Variants in ROBO1 observed in about 807,000 individuals in gnomAD.
The protein encoded by ROBO1 is roundabout guidance receptor 1, also known as roundabout homolog 1.
Under a neutral mutation model 195.9 loss-of-function variants are expected in ROBO1, and 149 were observed. The observed-to-expected ratio is 0.76, with a 90% confidence interval of 0.67 to 0.87. ROBO1 has a LOEUF of 0.87. Ranked by LOEUF, ROBO1 falls within the 40% of genes least tolerant of loss-of-function variation. The pLI is 0.00. For synonymous variants in ROBO1, 816 were observed against 733.2 expected (o/e 1.11, Z -1.82); for missense variants, 1,933 against 2,068.3 (o/e 0.93, Z 1.27).
chr3:78,623,529 C>T (rs1047600758), intron 26 of ROBO1, among the ~76,000 whole-genome samples: 1 of 152,070 alleles, frequency 6.6e-6, no homozygotes, highest in Admixed American at 6.6e-5. Flanking sequence ...ATTAAGGAAC[C>T]CTGCTTTTAT....
intron 4 of ROBO1, among the ~76,000 whole-genome samples, chr3:78,807,976 A>G (rs2084601465): frequency 6.6e-6 from 1 of 152,214 alleles, no homozygotes; most frequent in African/African-American, 2.4e-5. Context: ...ACAGTGATAG[A>G]AAAGCAATAA....
chr3:79,007,736 T>G (rs2077660316), intron 3 of ROBO1, among the ~76,000 whole-genome samples: 1 of 152,200 alleles, frequency 6.6e-6, no homozygotes, highest in Non-Finnish European at 1.5e-5. Context: ...TCAAGCTAAT[T>G]AACAACTGCA....
chr3:79,009,649 G>A (rs1212142340), intron 3 of ROBO1, among the ~76,000 whole-genome samples: 1 of 152,164 alleles, frequency 6.6e-6, no homozygotes, highest in African/African-American at 2.4e-5. Flanking sequence ...ACTTACACAG[G>A]TTTCATTGGC....
intron 2 of ROBO1, among the ~76,000 whole-genome samples, chr3:79,382,897 C>G (rs969708898): frequency 2.6e-5 from 4 of 152,110 alleles, no homozygotes; most frequent in Non-Finnish European, 5.9e-5. Context: ...CTTGGTACTT[C>G]AGCTGTTTTC....
At chr3:79,696,870 A>C in intron 1 of ROBO1, among the ~76,000 whole-genome samples, 1 of 151,510 alleles carries the variant, frequency 6.6e-6, no homozygotes, top group East Asian at 1.9e-4. Flanking sequence ...TTGACTGGGA[A>C]GTTGATCCAA....
intron 8 of ROBO1, among the ~76,000 whole-genome samples, chr3:78,711,393 TCC>T (rs1491512592): frequency 3.1e-4 from 15 of 48,932 alleles, no homozygotes; most frequent in South Asian, 7.6e-4. Flanking sequence ...CTTCCTTCCT[TCC>T]TTCCTTTCTT....
intron 3 of ROBO1, among the ~76,000 whole-genome samples, chr3:79,081,991 G>T (rs1362415788): frequency 3.9e-5 from 6 of 152,036 alleles, no homozygotes; most frequent in Non-Finnish European, 8.8e-5. Flanking sequence ...TAAATGGGAT[G>T]TTTTGGTGAA....
chr3:79,446,819 A>T (rs767979475), intron 2 of ROBO1, among the ~76,000 whole-genome samples: 57 of 152,168 alleles, frequency 3.7e-4, no homozygotes, highest in Admixed American at 9.8e-4. Context: ...AAAGTTTTAA[A>T]ATGCACACTT....
intron 2 of ROBO1, among the ~76,000 whole-genome samples, chr3:79,463,405 AC>A (rs200575530): frequency 1.8e-3 from 272 of 149,806 alleles, no homozygotes; most frequent in African/African-American, 5.3e-3. Flanking sequence ...AAAACAAAAA[AC>A]AAAAAACCAC....
intron 2 of ROBO1, among the ~76,000 whole-genome samples, chr3:79,302,367 C>T (rs2033001293): frequency 6.6e-6 from 1 of 152,184 alleles, no homozygotes; most frequent in African/African-American, 2.4e-5. Flanking sequence ...AAATATCAGA[C>T]TATAACATTT....
chr3:79,664,419 C>T (rs897959256), intron 1 of ROBO1, among the ~76,000 whole-genome samples: 6 of 152,032 alleles, frequency 3.9e-5, no homozygotes, highest in African/African-American at 1.2e-4. Flanking sequence ...CATTTTACCT[C>T]TATGTAACAT....
chr3:79,722,736 G>A (rs952580510), intron 1 of ROBO1, among the ~76,000 whole-genome samples: 1 of 152,006 alleles, frequency 6.6e-6, no homozygotes. Context: ...TTTAAAATTT[G>A]TATCTCCACT....
At chr3:79,553,937 C>A (rs1429336187) in intron 2 of ROBO1, among the ~76,000 whole-genome samples, 1 of 152,026 alleles carries the variant, frequency 6.6e-6, no homozygotes. Context: ...GATTGACTTT[C>A]TCTCTCATTA....
intron 4 of ROBO1, among the ~76,000 whole-genome samples, chr3:78,935,395 C>CA (rs1224096267): frequency 6.6e-6 from 1 of 151,932 alleles, no homozygotes; most frequent in East Asian, 1.9e-4. Context: ...CAATGGAAAA[C>CA]ATGAGGGTCA....
At chr3:79,119,560 T>C (rs527514250) in intron 3 of ROBO1, among the ~76,000 whole-genome samples, 8 of 152,284 alleles carry the variant, frequency 5.3e-5, no homozygotes, top group East Asian at 1.9e-4. Context: ...CCCAGAACTA[T>C]TGAAAGACTA....
At chr3:79,198,487 G>T (rs1212094691) in intron 2 of ROBO1, among the ~76,000 whole-genome samples, 2 of 151,928 alleles carry the variant, frequency 1.3e-5, no homozygotes, top group East Asian at 3.9e-4. Flanking sequence ...CTCCAGCTTT[G>T]TTCTTTTTGC....
intron 3 of ROBO1, among the ~76,000 whole-genome samples, chr3:79,054,798 C>A (rs1415426306): frequency 1.3e-5 from 2 of 152,082 alleles, no homozygotes; most frequent in African/African-American, 2.4e-5. Flanking sequence ...TGCCACAGAA[C>A]CAGGGAAATG....
chr3:78,987,880 A>G (rs1183925633), intron 3 of ROBO1, among the ~76,000 whole-genome samples: 1 of 152,182 alleles, frequency 6.6e-6, no homozygotes, highest in African/African-American at 2.4e-5. Flanking sequence ...CCTCATAAAT[A>G]CATACACCTA....
At chr3:78,607,380 G>A (rs1330915596) in intron 28 of ROBO1, 3 of 212,810 alleles carry the variant, frequency 1.4e-5, no homozygotes, top group South Asian at 1.8e-4. Context: ...ACCTGGCTAC[G>A]TTTTGTGTTT....
Sources: allele counts gnomAD v4.1 joint callset (sites outside exome capture counted in the v4.1 genomes callset), GRCh38; gene constraint gnomAD v4.1.1; transcripts MANE v1.5; gene names NCBI Gene and HGNC (gene_info 2026-07-23, HGNC 2026-07-21).